HIF3A: variants seen among roughly 807,000 people sequenced by gnomAD.
The protein encoded by HIF3A is hypoxia-inducible factor 3-alpha.
Under a neutral mutation model 67.2 loss-of-function variants are expected in HIF3A, and 41 were observed. The observed-to-expected ratio is 0.61, with a 90% CI of 0.48 to 0.79. The LOEUF is 0.79. Ranked by LOEUF, HIF3A falls within the 30% of genes least tolerant of loss-of-function variation. The probability of loss-of-function intolerance (pLI) is 0.00; values close to 1 mark genes in which losing one functional copy is unlikely to be tolerated. For missense variants in HIF3A, 855 were observed against 898.0 expected, an observed-to-expected ratio of 0.95 and a Z score of 0.61; for synonymous variants, 356 against 374.8, an observed-to-expected ratio of 0.95 and a Z score of 0.58.
chr19:46,308,659 C>G lies in HIF3A; in HGVS notation c.449-4C>G. 1 of 1,589,468 alleles carries G rather than the reference C, an allele frequency of 6.3e-7. No individual in the cohort carries two copies. The highest frequency in any genetic ancestry group is 8.6e-7 in the Non-Finnish European group (1 of 1,166,058). On this transcript the variant is annotated splice_polypyrimidine_tract_variant and splice_region_variant and intron_variant, in intron 4 of 14. Coordinates refer to ENST00000377670, the MANE Select transcript of HIF3A (RefSeq NM_152795.4). Reference sequence around the variant, plus strand: ...ACCTCCCCGCTGCCCCCGGGCCTCCCCAGCCCTGTCCAGGAGGAAGGTGGA... The same window carrying G: ...ACCTCCCCGCTGCCCCCGGGCCTCCGCAGCCCTGTCCAGGAGGAAGGTGGA...
chr19:46,312,750 C>CATGT (rs999233954), intron 8 of HIF3A, 97 bp downstream of exon 8: 1 of 1,012,062 alleles, frequency 9.9e-7, no homozygotes, highest in Non-Finnish European at 1.4e-6. Flanking sequence ...TATGAGCATG[C>CATGT]ATGTGTATCA....
rs1030751572 is a variant in HIF3A, at chr19:46,311,867, C to A, written c.771-294C>A. Among the ~76,000 whole-genome samples, 12 of 152,212 alleles carry A rather than the reference C, an allele frequency of 7.9e-5. No individual in the cohort carries two copies. In the East Asian group the frequency reaches 2.1e-3, roughly 27 times the overall value. ...CAGAGCGAGAGCCTGCCTCAAAAAA[C>A]AAACAACAAAACAAACAAAAAACTT... is the stretch of plus-strand genomic sequence containing the variant. On this transcript the variant is annotated intron_variant, in intron 6 of 14. Coordinates refer to ENST00000377670, the MANE Select transcript of HIF3A (RefSeq NM_152795.4).
rs768399021 is a variant in HIF3A, at chr19:46,304,033, C to T, written c.162C>T (p.Ala54=). The T allele has an allele frequency of 3.1e-6, 5 of 1,590,222 alleles. No individual in the cohort carries two copies. In the Admixed American group the frequency reaches 8.8e-5, roughly 28 times the overall value. Residue 54 remains alanine (A), a synonymous_variant, in exon 2 of 15, where the codon GCC becomes GCT. Transcript: ENST00000377670. The part of the protein sequence containing the change: ...ARGVSAHLDK[A]SIMRLTISYL... ...GCGTCAGCGCCCACCTGGACAAGGCCTCTATCATGCGCCTCACCATCAGCT... is the reference window on the plus strand; with the variant it reads ...GCGTCAGCGCCCACCTGGACAAGGCTTCTATCATGCGCCTCACCATCAGCT...
chr19:46,305,046 C>A (rs975460859), intron 2 of HIF3A, 199 bp from the exon 3 acceptor site: 1 of 745,228 alleles, frequency 1.3e-6, no homozygotes, highest in East Asian at 2.7e-5. Flanking sequence ...CCTGGGAGGC[C>A]CTGCTTCTAA....
rs3826795 is a variant in HIF3A, at chr19:46,297,176, G to A, written c.26+74G>A. The A allele has an allele frequency of 0.16, 101,535 of 634,342 alleles. 13,522 individuals carry two copies. Among genetic ancestry groups the A allele is most frequent in the East Asian group, 0.54 (14,640 of 27,150 alleles). The allele number at this position is 634,342 out of a possible 1,614,324, so 39.3% of individuals were successfully genotyped here. A position where few individuals can be genotyped will look rare whatever the true frequency, so the allele number is the denominator to read the frequency against. On this transcript the variant is annotated intron_variant, in intron 1 of 14. Transcript: ENST00000377670. This position sits in a 1 kb window ranked among gnomAD's most constrained non-coding sequence, Gnocchi z 4.5. ...CTGGAGACCCCTGAGCTGGATTGTT[G>A]GGGGGGGTGGGGTTCGCGGGTGCGA...
intron 8 of HIF3A, among the ~76,000 whole-genome samples, chr19:46,318,374 AC>A (rs1970086006): frequency 6.6e-6 from 1 of 151,396 alleles, no homozygotes; most frequent in South Asian, 2.1e-4. Flanking sequence ...ACATAGGGAG[AC>A]CCCATCTTTA....
At chr19:46,320,385 T>G in intron 8 of HIF3A, 58 bp from the exon 9 acceptor site, 15 of 1,384,426 alleles carry the variant, frequency 1.1e-5, no homozygotes, top group Non-Finnish European at 1.5e-5. Context: ...ACAGGCTTTC[T>G]GGGCTGGAGC....
intron 1 of HIF3A, among the ~76,000 whole-genome samples, chr19:46,300,066 G>A (rs1354827377): frequency 6.6e-6 from 1 of 152,172 alleles, no homozygotes; most frequent in East Asian, 1.9e-4. Context: ...GGATGCCATT[G>A]CTCCAAATCT....
At position 46,326,573 on chromosome 19, in the gene HIF3A, A is replaced by G. The variant is rs115470298; in HGVS notation, c.1440+934A>G. Among the ~76,000 whole-genome samples the G allele has an allele frequency of 2.8e-3, 421 of 152,078 alleles. 4 individuals carry two copies. Among genetic ancestry groups the G allele is most frequent in the Middle Eastern group, 0.01 (3 of 294 alleles). ...TCTCAAGGCCCCCCAAAGTCTCCCAAAGTTTCTTCCCCTTACAGCATCAGC... is the reference window on the plus strand; with the variant it reads ...TCTCAAGGCCCCCCAAAGTCTCCCAGAGTTTCTTCCCCTTACAGCATCAGC... On this transcript the variant is annotated intron_variant, in intron 11 of 14. Coordinates refer to ENST00000377670, the MANE Select transcript of HIF3A (RefSeq NM_152795.4).
Position 46,331,260 on chromosome 19 carries a change from T to C in HIF3A, c.1817T>C (p.Phe606Ser). Reference sequence around the variant, plus strand: ...CCAGAACACGAAAACTTTCTGCTCTTTCCTCTCAGCCTGGTGTGTTGGGGG... The same window carrying C: ...CCAGAACACGAAAACTTTCTGCTCTCTCCTCTCAGCCTGGTGTGTTGGGGG... ...PSPEHENFLLFPLSLSFLLTG... is the reference protein window; with the variant it reads ...PSPEHENFLLSPLSLSFLLTG... Residue 606 changes from phenylalanine to serine, a missense_variant, in exon 13 of 15, where the codon TTT (phenylalanine) becomes TCT (serine). This residue lies in a region of HIF3A where 199 missense variants were observed against 193.8 expected (regional missense o/e 1.03). Coordinates refer to ENST00000377670, the MANE Select transcript of HIF3A (RefSeq NM_152795.4). 1 of 1,613,482 alleles carries C rather than the reference T, an allele frequency of 6.2e-7. No individual in the cohort carries two copies. Among genetic ancestry groups the C allele is most frequent in the South Asian group, 1.1e-5 (1 of 91,064 alleles).
At chr19:46,299,385 G>A (rs1299543293) in intron 1 of HIF3A, among the ~76,000 whole-genome samples, 2 of 152,240 alleles carry the variant, frequency 1.3e-5, no homozygotes, top group African/African-American at 2.4e-5. Flanking sequence ...GTGTGGAATT[G>A]TGTCAGTGAC....
chr19:46,333,788 C>CTTTTTTTTTTTTTTTTTTTTTTTTTTT (rs1165101162), intron 13 of HIF3A, among the ~76,000 whole-genome samples: 1 of 103,564 alleles, frequency 9.7e-6, no homozygotes, highest in Non-Finnish European at 1.9e-5. Context: ...TTCTTTCTTT[C>CTTTTTTTTTTTTTTTTTTTTTTTTTTT]TTTTTTTTTT....
rs1253292198 is a variant in HIF3A at position 46,320,642 on chromosome 19, C to T, written c.1144+81C>T. 6 of 1,052,720 alleles carry T rather than the reference C, an allele frequency of 5.7e-6. No individual in the cohort carries two copies. The East Asian group carries it at 9.6e-5, about 17-fold the overall frequency. The allele number at this position is 1,052,720 out of a possible 1,614,324, so 65.2% of individuals were successfully genotyped here. ...AGCCCAAGCACCTTAACATGGCTCA[C>T]CAGGCCCTGTGGGACCTGCCTCCTG... On this transcript the variant is annotated intron_variant, in intron 9 of 14. Transcript: ENST00000377670.
At chr19:46,310,189 C>T (rs1969306748) in intron 6 of HIF3A, among the ~76,000 whole-genome samples, 1 of 152,120 alleles carries the variant, frequency 6.6e-6, no homozygotes, top group Non-Finnish European at 1.5e-5. Context: ...TGCACCATTG[C>T]ACTCCAGCCT....
intron 8 of HIF3A, among the ~76,000 whole-genome samples, chr19:46,317,587 C>T (rs1008878973): frequency 3.9e-5 from 6 of 152,154 alleles, no homozygotes; most frequent in African/African-American, 7.2e-5. Context: ...GAGTCATGCC[C>T]GCTCATCCTT....
At chr19:46,303,229 C>T (rs1296691021) in intron 1 of HIF3A, among the ~76,000 whole-genome samples, 2 of 152,210 alleles carry the variant, frequency 1.3e-5, no homozygotes, top group African/African-American at 4.8e-5. Flanking sequence ...TCTGATAAAA[C>T]GACACTTATT....
intron 5 of HIF3A, 146 bp downstream of exon 5, chr19:46,308,921 C>T: frequency 1.5e-6 from 1 of 666,188 alleles, no homozygotes; most frequent in Non-Finnish European, 2.6e-6. Flanking sequence ...GGTCTCAGGG[C>T]ATCGAGGAGC....
chr19:46,299,732 T>TA (rs1414924498), intron 1 of HIF3A, among the ~76,000 whole-genome samples: 3 of 41,942 alleles, frequency 7.2e-5, no homozygotes, highest in Admixed American at 2.6e-4. Context: ...AATAGAAAAA[T>TA]AGAAAAAAAA....
chr19:46,321,690 T>A (rs1002391789), intron 9 of HIF3A, 86 bp from the exon 10 acceptor site: 1 of 1,201,702 alleles, frequency 8.3e-7, no homozygotes, highest in Non-Finnish European at 1.2e-6. Context: ...AGATGTCAAC[T>A]GTGTTCCTGG....
Sources: allele counts gnomAD v4.1 joint callset (sites outside exome capture counted in the v4.1 genomes callset), GRCh38; gene constraint gnomAD v4.1.1; regional missense constraint gnomAD v4.1.1; non-coding constraint Gnocchi (gnomAD v3.1); transcripts MANE v1.5; gene names NCBI Gene and HGNC (gene_info 2026-07-23, HGNC 2026-07-21).